Variants in GPM6A observed in about 807,000 individuals in gnomAD.
GPM6A encodes the protein neuronal membrane glycoprotein M6-a.
A neutral mutation model predicts 32.1 loss-of-function variants in GPM6A; 7 were observed. That is an observed-to-expected ratio of 0.22 (90% confidence interval 0.12 to 0.41). The LOEUF (loss-of-function observed/expected upper bound fraction) is 0.41. Ranked by LOEUF, GPM6A falls within the 10% of genes least tolerant of loss-of-function variation. The probability of loss-of-function intolerance (pLI) is 1.00; values close to 1 mark genes in which losing one functional copy is unlikely to be tolerated. For synonymous variants in GPM6A, 130 were observed against 123.4 expected, an observed-to-expected ratio of 1.05 and a Z score of -0.35; for missense variants, 235 against 347.2, an observed-to-expected ratio of 0.68 and a Z score of 2.57.
chr4:175,896,363 A>T (rs192643991), intron 1 of GPM6A, among the ~76,000 whole-genome samples: 1 of 152,200 alleles, frequency 6.6e-6, no homozygotes. Context: ...CTGCCTCCCT[A>T]AATGCACCAG....
intron 1 of GPM6A, among the ~76,000 whole-genome samples, chr4:175,826,982 T>C (rs1735459322): frequency 6.6e-6 from 1 of 152,202 alleles, no homozygotes; most frequent in Non-Finnish European, 1.5e-5. Flanking sequence ...TTAACACTTG[T>C]CTCACTGACT....
At chr4:175,772,286 T>C (rs1733222274) in intron 1 of GPM6A, among the ~76,000 whole-genome samples, 1 of 152,182 alleles carries the variant, frequency 6.6e-6, no homozygotes, top group African/African-American at 2.4e-5. Flanking sequence ...GGAAAGAGAA[T>C]GAATCCCGAG....
intron 2 of GPM6A, among the ~76,000 whole-genome samples, chr4:175,687,180 A>G (rs1358582106): frequency 6.6e-6 from 1 of 152,198 alleles, no homozygotes; most frequent in Non-Finnish European, 1.5e-5. Flanking sequence ...GCAGTAAATA[A>G]CACAGAATAT....
chr4:175,661,892 C>G (rs915576298), intron 3 of GPM6A, among the ~76,000 whole-genome samples: 1 of 151,114 alleles, frequency 6.6e-6, no homozygotes, highest in Non-Finnish European at 1.5e-5. Flanking sequence ...GTGTGTCAAT[C>G]TGCTGAGAGA....
chr4:175,692,842 A>C (rs1744372449), intron 2 of GPM6A, among the ~76,000 whole-genome samples: 1 of 152,300 alleles, frequency 6.6e-6, no homozygotes, highest in Admixed American at 6.5e-5. Context: ...TTGGTAAAAT[A>C]TAAAGTAGGA....
intron 1 of GPM6A, among the ~76,000 whole-genome samples, chr4:175,957,716 T>TA (rs1190575816): frequency 2.0e-5 from 3 of 152,036 alleles, no homozygotes; most frequent in Non-Finnish European, 4.4e-5. Flanking sequence ...GTATATATAT[T>TA]AAAAAAATCA....
intron 1 of GPM6A, among the ~76,000 whole-genome samples, chr4:175,996,994 C>T (rs1277758208): frequency 6.6e-6 from 1 of 151,984 alleles, no homozygotes; most frequent in Non-Finnish European, 1.5e-5. Context: ...CCTCTTGAAA[C>T]CTAGCCACCA....
intron 2 of GPM6A, among the ~76,000 whole-genome samples, chr4:175,695,351 C>G (rs987062470): frequency 2.6e-5 from 4 of 152,164 alleles, no homozygotes; most frequent in African/African-American, 9.7e-5. Flanking sequence ...CATAGGCATT[C>G]AACAGCAGCC....
Position 175,671,477 on chromosome 4 carries a change from G to GAAAAAAA in GPM6A, c.387+2196_387+2202dup, listed in dbSNP as rs544889132. Among the ~76,000 whole-genome samples, 147 of 24,404 alleles carry GAAAAAAA rather than the reference G, an allele frequency of 6.0e-3. 47 individuals carry two copies. The highest frequency in any genetic ancestry group is 0.055 in the East Asian group (22 of 400). 16.0% of individuals were successfully genotyped at this position (24,404 alleles called of 152,430 possible). A position where few individuals can be genotyped will look rare whatever the true frequency, so the allele number is the denominator to read the frequency against. ...CGTAAGATACAATCTGCCTACAAAC[G>GAAAAAAA]AAAAAAAAAAAAAAAAAAAAAAAAA... On this transcript the variant is annotated intron_variant, in intron 3 of 6. Coordinates refer to ENST00000393658, the MANE Select transcript of GPM6A (RefSeq NM_201591.3).
chr4:175,758,181 T>C (rs1051174827), intron 1 of GPM6A, among the ~76,000 whole-genome samples: 1 of 152,170 alleles, frequency 6.6e-6, no homozygotes, highest in African/African-American at 2.4e-5. Context: ...TAAGAGTTAC[T>C]GTAAGAATTA....
At chr4:175,768,037 C>A (rs993999623) in intron 1 of GPM6A, among the ~76,000 whole-genome samples, 17 of 152,166 alleles carry the variant, frequency 1.1e-4, no homozygotes, top group African/African-American at 3.9e-4. Flanking sequence ...AGTAGTTCAC[C>A]CCTAAAACTG....
intron 1 of GPM6A, among the ~76,000 whole-genome samples, chr4:175,725,793 T>A (rs1163987580): frequency 6.6e-6 from 1 of 152,068 alleles, no homozygotes; most frequent in African/African-American, 2.4e-5. Flanking sequence ...ATAGAAAAAA[T>A]TTGTATGCTA....
At chr4:175,881,093 A>G (rs1422046139) in intron 1 of GPM6A, among the ~76,000 whole-genome samples, 1 of 152,192 alleles carries the variant, frequency 6.6e-6, no homozygotes, top group Non-Finnish European at 1.5e-5. Context: ...CAATCTACTC[A>G]TCTGACAAAG....
chr4:175,851,584 A>G (rs186289534), intron 1 of GPM6A, among the ~76,000 whole-genome samples: 191 of 152,274 alleles, frequency 1.3e-3, no homozygotes, highest in Middle Eastern at 0.01. Context: ...TGAAGAGGGA[A>G]GAGTACCTAG....
In GPM6A at chr4:175,728,736, G is replaced by A. The variant is rs960514930; in HGVS notation, c.38-26969C>T. Among the ~76,000 whole-genome samples the A allele has an allele frequency of 1.3e-5, 2 of 152,100 alleles. 1 individual carries two copies. The highest frequency in any genetic ancestry group is 2.9e-5 in the Non-Finnish European group (2 of 68,026). ...TGAAAGCTGTTGGTGCCCTCTCCCT[G>A]TTGCATTTCCCCTAGCCCTTCCCTA... On this transcript the variant is annotated intron_variant, in intron 1 of 6. Transcript: ENST00000393658.
intron 3 of GPM6A, among the ~76,000 whole-genome samples, chr4:175,662,205 GT>G: frequency 6.6e-6 from 1 of 152,112 alleles, no homozygotes; most frequent in East Asian, 1.9e-4. Flanking sequence ...TATACTGGGG[GT>G]TTTGACGGAA....
intron 1 of GPM6A, among the ~76,000 whole-genome samples, chr4:175,802,475 G>T (rs1734510636): frequency 6.6e-6 from 1 of 152,000 alleles, no homozygotes; most frequent in South Asian, 2.1e-4. Context: ...AATTGTGTGA[G>T]ACTATATACC....
At chr4:175,998,528 T>C (rs948175548) in intron 1 of GPM6A, among the ~76,000 whole-genome samples, 2 of 152,232 alleles carry the variant, frequency 1.3e-5, no homozygotes, top group African/African-American at 4.8e-5. Context: ...AAGTAAACCA[T>C]TGGGTTTATC....
chr4:175,697,987 C>G (rs1744671528), intron 2 of GPM6A, among the ~76,000 whole-genome samples: 1 of 152,154 alleles, frequency 6.6e-6, no homozygotes, highest in Non-Finnish European at 1.5e-5. Flanking sequence ...AGTCACACGT[C>G]ATTGCGTTTG....
Sources: allele counts gnomAD v4.1 joint callset (sites outside exome capture counted in the v4.1 genomes callset), GRCh38; gene constraint gnomAD v4.1.1; transcripts MANE v1.5; gene names NCBI Gene and HGNC (gene_info 2026-07-23, HGNC 2026-07-21).